The following POLE variants were observed in gnomAD, a reference collection of about 807,000 sequenced individuals.
POLE encodes the protein DNA polymerase epsilon, catalytic subunit.
POLE carries 188 observed loss-of-function variants against 279.2 expected under a neutral mutation model. That is an observed-to-expected ratio of 0.67 (90% CI 0.60 to 0.76). POLE has a LOEUF of 0.76. Among genes scored for constraint, POLE ranks in the 30% least tolerant of loss-of-function variants. POLE has a pLI of 0.00. For missense variants in POLE, 2,703 were observed against 3,016.7 expected (o/e 0.90, Z 2.44); for synonymous variants, 1,214 against 1,172.5 (o/e 1.04, Z -0.72).
Position 132,675,894 on chromosome 12 carries a change from T to C in POLE, c.1021-74A>G. On this transcript the variant is annotated intron_variant, in intron 10 of 48. Coordinates refer to ENST00000320574, the MANE Select transcript of POLE (RefSeq NM_006231.4). This position sits in a 1 kb window ranked among gnomAD's most constrained non-coding sequence, Gnocchi z 4.3. ...GCTATTCCAAATTCCTCTCCCAAAGTTCAGAAGCAGCAGCCTCATGTTGGC... is the reference window on the plus strand; with the variant it reads ...GCTATTCCAAATTCCTCTCCCAAAGCTCAGAAGCAGCAGCCTCATGTTGGC... 7.7e-7 allele frequency: 1 copy of C among 1,292,670 alleles called. No homozygotes were observed. The highest frequency in any genetic ancestry group is 1.1e-6 in the Non-Finnish European group (1 of 890,380). The allele number at this position is 1,292,670 out of a possible 1,614,324, so 80.1% of individuals were successfully genotyped here.
chr12:132,669,656 C>T (rs948876057), intron 16 of POLE, among the ~76,000 whole-genome samples: 1 of 152,186 alleles, frequency 6.6e-6, no homozygotes, highest in African/African-American at 2.4e-5. Flanking sequence ...GGAAGAGCCT[C>T]CACTGCACCC....
intron 6 of POLE, among the ~76,000 whole-genome samples, 162 bp from the exon 7 acceptor site, chr12:132,677,881 G>GA (rs1466207257): frequency 6.6e-6 from 1 of 152,192 alleles, no homozygotes; most frequent in East Asian, 1.9e-4. Flanking sequence ...CTTCCTTTAA[G>GA]AATGGCTTGG....
At chr12:132,682,288 C>T (rs577972311) in intron 1 of POLE, among the ~76,000 whole-genome samples, 13 of 117,854 alleles carry the variant, frequency 1.1e-4, no homozygotes, top group African/African-American at 4.0e-4. Context: ...AGCGAGACTC[C>T]GGCAAAAAAA....
rs775102459 is a variant in POLE at position 132,641,654 on chromosome 12, T to C, written c.5371A>G (p.Thr1791Ala). 2.5e-6 allele frequency: 4 copies of C among 1,613,646 alleles called. No individual in the cohort carries two copies. The South Asian group carries it at 4.4e-5, about 18-fold the overall frequency. ...TCCCAGAGAGGGTGGCACCTGAAGG[T>C]GTTAGAGCACAGGGCTGTCTCATCG... ...SYDETALCSN[T>A]FRILKSMVVG... The change falls in exon 39 of 49, where the codon ACC becomes GCC. Residue 1791 changes from threonine (T) to alanine (A), a missense_variant. Thr to Ala is a moderately conservative substitution (Grantham distance 58). This residue lies in a region of POLE where 1,551 missense variants were observed against 1,686.1 expected (regional missense o/e 0.92). Transcript: ENST00000320574.
chr12:132,683,547 A>G (rs1473233198), intron 1 of POLE, among the ~76,000 whole-genome samples: 1 of 152,234 alleles, frequency 6.6e-6, no homozygotes, highest in East Asian at 1.9e-4. Context: ...CATACTGTAT[A>G]ATAAAGGTTT....
chr12:132,681,030 ATTCACTCAAAG>A, intron 2 of POLE, 97 bp downstream of exon 2: 2 of 1,315,092 alleles, frequency 1.5e-6, no homozygotes, highest in Non-Finnish European at 2.1e-6. Context: ...CTCCCACCTG[ATTCACTCAAAG>A]TTCCCTCATG....
In POLE at chr12:132,639,547, C is replaced by G. The variant is rs1355280473; in HGVS notation, c.5379-249G>C. Among the ~76,000 whole-genome samples, 3 of 82,490 alleles carry G rather than the reference C, an allele frequency of 3.6e-5. No individual in the cohort carries two copies. Among genetic ancestry groups the G allele is most frequent in the East Asian group, 8.8e-4 (2 of 2,276 alleles). The allele number at this position is 82,490 out of a possible 152,430, so 54.1% of individuals were successfully genotyped here. A position where few individuals can be genotyped will look rare whatever the true frequency, so the allele number is the denominator to read the frequency against. On this transcript the variant is annotated intron_variant, in intron 39 of 48. Coordinates refer to ENST00000320574, the MANE Select transcript of POLE (RefSeq NM_006231.4). The surrounding 1 kb of genome is among the most constrained non-coding windows in gnomAD (Gnocchi z 4.7). Reference sequence around the variant, plus strand: ...TTCAGGCTTCACCGCATCCCAAACTCTGTGTGTTCTAAAGCAGGACGGGAG... The same window carrying G: ...TTCAGGCTTCACCGCATCCCAAACTGTGTGTGTTCTAAAGCAGGACGGGAG...
rs755090755 is a variant in POLE at position 132,672,268 on chromosome 12, C to T, written c.1741G>A (p.Ala581Thr). 6.8e-6 allele frequency: 11 copies of T among 1,614,076 alleles called. No homozygotes were observed. The highest frequency in any genetic ancestry group is 4.5e-5 in the East Asian group (2 of 44,902). ...LQRVEKTLRHALEEEEKVPVE... is the reference protein window; with the variant it reads ...LQRVEKTLRHTLEEEEKVPVE... ...GGCACTTTCTCCTCTTCCTCAAGGGCGTGGCGCAAGGTCTTCTCAACCCGC... is the reference window on the plus strand; with the variant it reads ...GGCACTTTCTCCTCTTCCTCAAGGGTGTGGCGCAAGGTCTTCTCAACCCGC... Residue 581 changes from alanine (A) to threonine (T), a missense_variant, in exon 16 of 49, where the codon GCC (alanine) becomes ACC (threonine). Ala to Thr is a moderately conservative substitution (Grantham distance 58). Coordinates refer to ENST00000320574, the MANE Select transcript of POLE (RefSeq NM_006231.4).
Position 132,665,360 on chromosome 12 carries a change from G to C in POLE, c.2410C>G (p.Leu804Val). The part of the protein sequence containing the change: ...CKNMEVLYDS[L>V]QLAHKCILNS... ...AGGATGCACTTGTGGGCCAGCTGCA[G>C]CGAGTCATACAGCACCTCCATGTTC... Residue 804 changes from leucine to valine, a missense_variant, in exon 21 of 49, where the codon CTG becomes GTG. This residue lies in a region of POLE where 1,011 missense variants were observed against 1,111.7 expected (regional missense o/e 0.91). Coordinates refer to ENST00000320574, the MANE Select transcript of POLE (RefSeq NM_006231.4). 3 of 1,613,958 alleles carry C rather than the reference G, an allele frequency of 1.9e-6. No individual in the cohort carries two copies. The highest frequency in any genetic ancestry group is 2.5e-6 in the Non-Finnish European group (3 of 1,180,010).
chr12:132,662,709 A>G (rs922069938), intron 23 of POLE, among the ~76,000 whole-genome samples: 1 of 152,314 alleles, frequency 6.6e-6, no homozygotes, highest in Middle Eastern at 3.4e-3. Flanking sequence ...TGGACCTTAC[A>G]GTACCAAGAA....
intron 25 of POLE, 86 bp downstream of exon 25, chr12:132,660,883 C>CTCCAGGAG: frequency 8.8e-7 from 1 of 1,141,672 alleles, no homozygotes; most frequent in African/African-American, 1.5e-5. Flanking sequence ...TCACCTTGGT[C>CTCCAGGAG]TCCAGGAGCC....
At chr12:132,632,247 A>G (rs1307144602) in intron 45 of POLE, 68 bp downstream of exon 45, 1 of 1,289,972 alleles carries the variant, frequency 7.8e-7, no homozygotes, top group East Asian at 2.3e-5. Context: ...CACCTTGCAC[A>G]CAGTAACATT....
intron 45 of POLE, among the ~76,000 whole-genome samples, chr12:132,631,905 G>A (rs2041941002): frequency 6.6e-6 from 1 of 152,140 alleles, no homozygotes; most frequent in Admixed American, 6.5e-5. Context: ...CTGCGCCTCT[G>A]AACGGCCCTC....
chr12:132,661,407 A>G lies in POLE; in HGVS notation c.2864+120T>C, dbSNP rs2042678136. 5 of 1,156,494 alleles carry G rather than the reference A, an allele frequency of 4.3e-6. No homozygotes were observed. The Admixed American group carries it at 8.7e-5, about 20-fold the overall frequency. 71.6% of individuals were successfully genotyped at this position (1,156,494 alleles called of 1,614,324 possible). ...AGAGCTGGTGCAAACGGAATCAGTA[A>G]GATCACAAGAACCCAGGTCTGTTTC... is the stretch of plus-strand genomic sequence containing the variant. On this transcript the variant is annotated intron_variant, in intron 24 of 48. Coordinates refer to ENST00000320574, the MANE Select transcript of POLE (RefSeq NM_006231.4). This position sits in a 1 kb window ranked among gnomAD's most constrained non-coding sequence, Gnocchi z 4.1.
Position 132,643,320 on chromosome 12 carries a change from G to A in POLE, c.4455C>T (p.Arg1485=), listed in dbSNP as rs750833365. 32 of 1,613,936 alleles carry A rather than the reference G, an allele frequency of 2.0e-5. No individual in the cohort carries two copies. The highest frequency in any genetic ancestry group is 2.5e-5 in the Non-Finnish European group (30 of 1,180,038). The change falls in exon 35 of 49, where the codon CGC becomes CGT. Residue 1485 remains arginine, a synonymous_variant. Transcript: ENST00000320574. The stretch of plus-strand genomic sequence containing the variant: ...GTGCGTGGTGGTACAGGTAGATATG[G>A]CGGATACTCCCTGGAGAAGGAAACA... ...QFSYLEPGSI[R]HIYLYHHAQA... is the part of the protein sequence containing the mutation.
intron 6 of POLE, among the ~76,000 whole-genome samples, chr12:132,678,146 C>A (rs1050184266): frequency 2.0e-5 from 3 of 152,068 alleles, no homozygotes; most frequent in Non-Finnish European, 4.4e-5. Context: ...CCACTGCACT[C>A]CAGCCTGGGC....
In POLE at chr12:132,661,350, C is replaced by G. The variant is rs1384855668; in HGVS notation, c.2864+177G>C. Among the ~76,000 whole-genome samples the G allele has an allele frequency of 6.6e-6, 1 of 152,174 alleles. No individual in the cohort carries two copies. The highest frequency in any genetic ancestry group is 1.5e-5 in the Non-Finnish European group (1 of 68,034). The stretch of plus-strand genomic sequence containing the variant: ...AGGAAAATGGCTGAAGGGCCTGCAG[C>G]CACAGAGCCAGAATACAGCAGGCGG... On this transcript the variant is annotated intron_variant, in intron 24 of 48. Coordinates refer to ENST00000320574, the MANE Select transcript of POLE (RefSeq NM_006231.4). The surrounding 1 kb of genome is among the most constrained non-coding windows in gnomAD (Gnocchi z 4.1).
At chr12:132,672,938 G>C in intron 14 of POLE, 99 bp from the exon 15 acceptor site, 2 of 1,125,382 alleles carry the variant, frequency 1.8e-6, no homozygotes, top group Non-Finnish European at 2.6e-6. Flanking sequence ...TGTGAAAGGA[G>C]AGAAAACCTC....
At position 132,643,523 on chromosome 12, in the gene POLE, C is replaced by T. The variant is rs2042204673; in HGVS notation, c.4328G>A (p.Cys1443Tyr). ...LLFRALVHLG[C>Y]VCVVNKQLVR... ...CAGCTGTTTATTGACCACACACACA[C>T]AGCCCAGGTGCACCAGGGCCCGGAA... Residue 1443 changes from cysteine to tyrosine, a missense_variant, in exon 34 of 49, where the codon TGT becomes TAT. This residue lies in a region of POLE where 1,551 missense variants were observed against 1,686.1 expected (regional missense o/e 0.92). Coordinates refer to ENST00000320574, the MANE Select transcript of POLE (RefSeq NM_006231.4). The T allele has an allele frequency of 1.2e-6, 2 of 1,614,184 alleles. No individual in the cohort carries two copies. Among genetic ancestry groups the T allele is most frequent in the Non-Finnish European group, 1.7e-6 (2 of 1,180,034 alleles).
Sources: allele counts gnomAD v4.1 joint callset (sites outside exome capture counted in the v4.1 genomes callset), GRCh38; gene constraint gnomAD v4.1.1; regional missense constraint gnomAD v4.1.1; non-coding constraint Gnocchi (gnomAD v3.1); transcripts MANE v1.5; gene names NCBI Gene and HGNC (gene_info 2026-07-23, HGNC 2026-07-21).